EBF2: variants seen among roughly 807,000 people sequenced by gnomAD.
EBF2 encodes EBF transcription factor 2.
In EBF2, 21 loss-of-function variants were observed where a neutral mutation model predicts 72.8. The ratio of observed to expected loss-of-function variants is 0.29; its 90% CI spans 0.20 to 0.42. The LOEUF is 0.42. EBF2 is among the 10% of genes least tolerant of loss of function. The pLI is 1.00. For missense variants in EBF2, 637 were observed against 731.2 expected (o/e 0.87, Z 1.49); for synonymous variants, 299 against 274.2 (o/e 1.09, Z -0.89).
At chr8:25,879,882 T>C (rs1412595176) in intron 10 of EBF2, among the ~76,000 whole-genome samples, 2 of 152,212 alleles carry the variant, frequency 1.3e-5, no homozygotes, top group Non-Finnish European at 2.9e-5. Context: ...AGAAAATCTC[T>C]GTCAACTTGA....
chr8:25,934,224 TACACACACACACACACACACACACACAC>T (rs71216403), intron 6 of EBF2, among the ~76,000 whole-genome samples: 9 of 136,748 alleles, frequency 6.6e-5, no homozygotes, highest in African/African-American at 1.1e-4. Flanking sequence ...TTCATGTGCA[TACACACACACACACACACACACACACAC>T]ACACACACAC....
chr8:25,874,747 G>T (rs749312923), intron 10 of EBF2, among the ~76,000 whole-genome samples: 11 of 151,830 alleles, frequency 7.2e-5, no homozygotes, highest in Admixed American at 1.3e-4. Context: ...GTACAGTAGT[G>T]CAATCATAGC....
At position 25,884,429 on chromosome 8, in the gene EBF2, G is replaced by A. The variant is rs373455643; in HGVS notation, c.1009+2326C>T. Among the ~76,000 whole-genome samples, 52 of 152,238 alleles carry A rather than the reference G, an allele frequency of 3.4e-4. No individual in the cohort carries two copies. The South Asian group carries it at 8.7e-3, about 26-fold the overall frequency. On this transcript the variant is annotated intron_variant, in intron 10 of 15. Transcript: ENST00000520164. ...GAGGGGATGGATCTCCACAGCTGGCGCCATCCTGGGATTCAGGTCTTCGCT... is the reference window on the plus strand; with the variant it reads ...GAGGGGATGGATCTCCACAGCTGGCACCATCCTGGGATTCAGGTCTTCGCT...
At chr8:25,938,906 AG>A (rs1212270735) in intron 6 of EBF2, among the ~76,000 whole-genome samples, 1 of 152,096 alleles carries the variant, frequency 6.6e-6, no homozygotes, top group Non-Finnish European at 1.5e-5. Context: ...CAAAGCACAA[AG>A]CTCACCATTC....
intron 7 of EBF2, among the ~76,000 whole-genome samples, chr8:25,903,590 T>G (rs6557868): frequency 0.56 from 85,783 of 151,870 alleles, 24,656 homozygotes; most frequent in East Asian, 0.75. Flanking sequence ...CCAGCTACTC[T>G]GGAGGCTGAG....
At chr8:26,011,281 G>A (rs971210308) in intron 6 of EBF2, among the ~76,000 whole-genome samples, 6 of 152,172 alleles carry the variant, frequency 3.9e-5, no homozygotes, top group Admixed American at 2.6e-4. Flanking sequence ...TTTAGGTTGC[G>A]TTTGTGAAAC....
At chr8:26,015,412 C>T (rs759566275) in intron 6 of EBF2, among the ~76,000 whole-genome samples, 12 of 152,210 alleles carry the variant, frequency 7.9e-5, no homozygotes, top group Non-Finnish European at 1.2e-4. Context: ...TTTTCACATC[C>T]TCTCACCACC....
intron 10 of EBF2, among the ~76,000 whole-genome samples, chr8:25,879,631 C>T (rs1802575859): frequency 6.6e-6 from 1 of 152,180 alleles, no homozygotes; most frequent in Admixed American, 6.5e-5. Context: ...ACTTCAGGGA[C>T]AGCCCACTCT....
At chr8:25,990,929 A>C (rs1241833416) in intron 6 of EBF2, among the ~76,000 whole-genome samples, 1 of 152,230 alleles carries the variant, frequency 6.6e-6, no homozygotes, top group African/African-American at 2.4e-5. Context: ...AAGCAGCACC[A>C]AATTAAAATG....
At chr8:26,043,629 ACTT>A (rs2117269947) in intron 1 of EBF2, among the ~76,000 whole-genome samples, 1 of 152,086 alleles carries the variant, frequency 6.6e-6, no homozygotes, top group African/African-American at 2.4e-5. Flanking sequence ...GAGCGATAAA[ACTT>A]CTGCTTTCTC....
chr8:25,964,336 A>T (rs1031826357), intron 6 of EBF2, among the ~76,000 whole-genome samples: 5 of 152,194 alleles, frequency 3.3e-5, no homozygotes, highest in African/African-American at 4.8e-5. Context: ...CAATCAATTA[A>T]TCCAAGTATA....
intron 6 of EBF2, among the ~76,000 whole-genome samples, chr8:25,954,311 T>A (rs1047374128): frequency 3.9e-5 from 6 of 152,148 alleles, no homozygotes; most frequent in Non-Finnish European, 7.3e-5. Flanking sequence ...TGCCCGTTGG[T>A]GGCTTCCTGC....
intron 1 of EBF2, among the ~76,000 whole-genome samples, chr8:26,043,510 C>T (rs1302518762): frequency 6.6e-6 from 1 of 152,168 alleles, no homozygotes; most frequent in African/African-American, 2.4e-5. Flanking sequence ...GCGGGCCAGT[C>T]CCGAAGCGCT....
intron 6 of EBF2, among the ~76,000 whole-genome samples, chr8:25,935,238 T>C (rs948619643): frequency 1.4e-4 from 21 of 150,624 alleles, no homozygotes; most frequent in African/African-American, 3.7e-4. Flanking sequence ...CAGTTAAGGA[T>C]GGAGAGGGAG....
intron 14 of EBF2, among the ~76,000 whole-genome samples, chr8:25,857,319 C>T (rs190814839): frequency 7.8e-4 from 119 of 152,116 alleles, no homozygotes; most frequent in Non-Finnish European, 2.6e-4. Context: ...GTGTGTCTCC[C>T]CAGGGAACCA....
chr8:25,875,472 A>T (rs1234111582), intron 10 of EBF2, among the ~76,000 whole-genome samples: 1 of 152,188 alleles, frequency 6.6e-6, no homozygotes, highest in South Asian at 2.1e-4. Context: ...GGTTCTCTCA[A>T]GCTTAATAAA....
chr8:25,999,129 A>G (rs937088169), intron 6 of EBF2, among the ~76,000 whole-genome samples: 1 of 152,224 alleles, frequency 6.6e-6, no homozygotes, highest in Non-Finnish European at 1.5e-5. Flanking sequence ...AAGCTTAGAG[A>G]AAAACAGACA....
chr8:25,964,566 T>C (rs895641096), intron 6 of EBF2, among the ~76,000 whole-genome samples: 1 of 152,122 alleles, frequency 6.6e-6, no homozygotes, highest in Non-Finnish European at 1.5e-5. Context: ...CTAGAGACAG[T>C]TCCATGTTTA....
chr8:25,944,637 T>C (rs914069389), intron 6 of EBF2, among the ~76,000 whole-genome samples: 5 of 147,432 alleles, frequency 3.4e-5, no homozygotes, highest in African/African-American at 1.2e-4. Flanking sequence ...ATACATTATA[T>C]AATTATATAT....
Sources: gnomAD v4.1 joint callset for allele counts (sites outside exome capture counted in the v4.1 genomes callset) on GRCh38, gnomAD v4.1.1 for gene constraint, MANE v1.5 for transcripts, NCBI Gene and HGNC (gene_info 2026-07-23, HGNC 2026-07-21) for gene names.